RASSF8: variants seen among roughly 807,000 people sequenced by gnomAD.
RASSF8 encodes the protein Ras association domain family member 8, also known as ras association domain-containing protein 8.
RASSF8 carries 22 observed loss-of-function variants against 48.5 expected under a neutral mutation model. The observed-to-expected ratio is 0.45, with a 90% CI of 0.32 to 0.65. The LOEUF (loss-of-function observed/expected upper bound fraction) is 0.65. RASSF8 is among the 30% of genes least tolerant of loss of function. The pLI is 0.03. For missense variants in RASSF8, 418 were observed against 489.2 expected (o/e 0.85, Z 1.37); for synonymous variants, 127 against 171.5 (o/e 0.74, Z 2.03).
At chr12:26,000,011 G>A (rs926482997) in intron 2 of RASSF8, among the ~76,000 whole-genome samples, 1 of 152,128 alleles carries the variant, frequency 6.6e-6, no homozygotes, top group African/African-American at 2.4e-5. Context: ...TTTGTAAGTT[G>A]AATATAACTC....
At chr12:25,977,723 C>T (rs1048358331) in intron 1 of RASSF8, among the ~76,000 whole-genome samples, 2 of 151,366 alleles carry the variant, frequency 1.3e-5, no homozygotes, top group Admixed American at 6.6e-5. Context: ...ATTTTGCCAA[C>T]AGTTACCAAG....
rs568539770 is a variant in RASSF8, at chr12:25,997,006, A to C, written c.-109+1876A>C. Among the ~76,000 whole-genome samples, 26 of 152,298 alleles carry C rather than the reference A, an allele frequency of 1.7e-4. No individual in the cohort carries two copies. The South Asian group carries it at 3.7e-3, about 22-fold the overall frequency. ...AAATTTTTAATTTCTTGCAATCAGA[A>C]TAGCTTTCTACTAAATTACATTTTT... is the stretch of plus-strand genomic sequence containing the variant. On this transcript the variant is annotated intron_variant, in intron 2 of 5. Transcript: ENST00000689635.
At chr12:26,013,119 T>C (rs1942569397) in intron 2 of RASSF8, among the ~76,000 whole-genome samples, 1 of 152,208 alleles carries the variant, frequency 6.6e-6, no homozygotes. Flanking sequence ...CAGCATGTTT[T>C]CCACAGGATC....
chr12:26,042,372 T>C (rs78664059), intron 2 of RASSF8, among the ~76,000 whole-genome samples: 2,663 of 152,336 alleles, frequency 0.017, 65 homozygotes, highest in African/African-American at 0.059. Flanking sequence ...AGATAATTTA[T>C]AAACCAGAAT....
At position 26,068,862 on chromosome 12, in the gene RASSF8, A is replaced by G; in HGVS notation, c.*44A>G. On this transcript the variant is annotated 3_prime_UTR_variant, in exon 6 of 6. Coordinates refer to ENST00000689635, the MANE Select transcript of RASSF8 (RefSeq NM_001394098.1). ...AGGAGACCCAACAGAGGTACCAAGG[A>G]CAGTAAACTTCCTTTTTGATTTGTG... The G allele has an allele frequency of 6.5e-7, 1 of 1,529,108 alleles. No individual in the cohort carries two copies. The allele number at this position is 1,529,108 out of a possible 1,614,324, so 94.7% of individuals were successfully genotyped here.
chr12:26,018,129 T>C (rs1942695670), intron 2 of RASSF8, among the ~76,000 whole-genome samples: 1 of 152,228 alleles, frequency 6.6e-6, no homozygotes, highest in Non-Finnish European at 1.5e-5. Flanking sequence ...AGATGAATCT[T>C]TGAGAATTTC....
intron 1 of RASSF8, among the ~76,000 whole-genome samples, chr12:25,991,915 C>T (rs1431938115): frequency 6.6e-6 from 1 of 152,160 alleles, no homozygotes; most frequent in Non-Finnish European, 1.5e-5. Context: ...GTTTGAATCA[C>T]GTTAAGTTTT....
At chr12:25,969,748 G>A (rs1941440761) in intron 1 of RASSF8, among the ~76,000 whole-genome samples, 1 of 152,118 alleles carries the variant, frequency 6.6e-6, no homozygotes, top group Non-Finnish European at 1.5e-5. Flanking sequence ...CTCCAGTGGG[G>A]TGGTGCCATT....
At position 26,064,809 on chromosome 12, in the gene RASSF8, T is replaced by G; in HGVS notation, c.415T>G (p.Leu139Val). 6.2e-7 allele frequency: 1 copy of G among 1,614,156 alleles called. No homozygotes were observed. The highest frequency in any genetic ancestry group is 8.5e-7 in the Non-Finnish European group (1 of 1,180,034). ...SLTFTGGAKG[L>V]MDIFGKGKET... ...GACATTTACAGGAGGTGCCAAAGGATTAATGGACATTTTTGGAAAAGGTAA... is the reference window on the plus strand; with the variant it reads ...GACATTTACAGGAGGTGCCAAAGGAGTAATGGACATTTTTGGAAAAGGTAA... Residue 139 changes from leucine (L) to valine (V), a missense_variant, in exon 4 of 6, where the codon TTA becomes GTA. Coordinates refer to ENST00000689635, the MANE Select transcript of RASSF8 (RefSeq NM_001394098.1).
intron 2 of RASSF8, among the ~76,000 whole-genome samples, chr12:26,049,430 C>CT (rs748940125): frequency 2.0e-5 from 3 of 152,198 alleles, no homozygotes; most frequent in Non-Finnish European, 2.9e-5. Flanking sequence ...TACATTTCCA[C>CT]TGTGAACTTT....
chr12:26,073,566 G>A (rs563953671), downstream of RASSF8, among the ~76,000 whole-genome samples: 103 of 152,060 alleles, frequency 6.8e-4, no homozygotes, highest in African/African-American at 2.1e-3. Flanking sequence ...GCGAAACCCC[G>A]TCTGTACGAA....
chr12:26,041,251 A>G (rs1186329292), intron 2 of RASSF8, among the ~76,000 whole-genome samples: 1 of 152,058 alleles, frequency 6.6e-6, no homozygotes, highest in Non-Finnish European at 1.5e-5. Flanking sequence ...ATATGTTGTT[A>G]TCTATCATGT....
chr12:25,965,972 T>G (rs1941350889), intron 1 of RASSF8, among the ~76,000 whole-genome samples: 1 of 152,236 alleles, frequency 6.6e-6, no homozygotes, highest in Non-Finnish European at 1.5e-5. Flanking sequence ...TTTTGGCTAT[T>G]ACAAATAAAG....
chr12:25,994,394 T>C (rs1942084951), intron 1 of RASSF8, among the ~76,000 whole-genome samples: 1 of 152,182 alleles, frequency 6.6e-6, no homozygotes, highest in Non-Finnish European at 1.5e-5. Flanking sequence ...ACATATGAAT[T>C]GCGTCAATTC....
At chr12:25,961,021 A>G (rs1368690723) in intron 1 of RASSF8, among the ~76,000 whole-genome samples, 1 of 152,104 alleles carries the variant, frequency 6.6e-6, no homozygotes, top group Non-Finnish European at 1.5e-5. Context: ...CCTTTTATTT[A>G]TTTTTTTAAG....
At chr12:25,979,389 G>A (rs706538) in intron 1 of RASSF8, among the ~76,000 whole-genome samples, 21,136 of 152,012 alleles carry the variant, frequency 0.14, 1,788 homozygotes, top group East Asian at 0.27. Flanking sequence ...GATGGAAATC[G>A]TGTAGATAAG....
intron 1 of RASSF8, among the ~76,000 whole-genome samples, chr12:25,975,694 T>C (rs1291905783): frequency 1.3e-5 from 2 of 152,212 alleles, no homozygotes; most frequent in African/African-American, 4.8e-5. Flanking sequence ...AGAAGACTTA[T>C]TTTAGAAATA....
rs192700261 is a variant in RASSF8, at chr12:25,975,249, A to G, written c.-203+16101A>G. ...GAGAATGTGGTCTGCCGGAGAACAAATAGTCTCGATATCATTAAAGTTAGA... is the reference window on the plus strand; with the variant it reads ...GAGAATGTGGTCTGCCGGAGAACAAGTAGTCTCGATATCATTAAAGTTAGA... On this transcript the variant is annotated intron_variant, in intron 1 of 5. Transcript: ENST00000689635. Among the ~76,000 whole-genome samples the G allele has an allele frequency of 2.0e-4, 30 of 152,288 alleles. No individual in the cohort carries two copies. The East Asian group carries it at 5.8e-3, about 29-fold the overall frequency.
chr12:25,981,348 C>T (rs1360871500), intron 1 of RASSF8, among the ~76,000 whole-genome samples: 2 of 152,150 alleles, frequency 1.3e-5, no homozygotes, highest in Non-Finnish European at 2.9e-5. Flanking sequence ...TCCCCCTGCT[C>T]AACAGTCTCC....
Sources: gnomAD v4.1 joint callset for allele counts (sites outside exome capture counted in the v4.1 genomes callset) on GRCh38, gnomAD v4.1.1 for gene constraint, MANE v1.5 for transcripts, NCBI Gene and HGNC (gene_info 2026-07-23, HGNC 2026-07-21) for gene names.